The following MIA2 variants were observed in gnomAD, a reference collection of about 807,000 sequenced individuals.
MIA2 encodes melanoma inhibitory activity protein 2.
Under a neutral mutation model 167.8 loss-of-function variants are expected in MIA2, and 127 were observed. The observed-to-expected ratio is 0.76, with a 90% CI of 0.66 to 0.88. MIA2 has a LOEUF of 0.88. Ranked by LOEUF, MIA2 falls within the 40% of genes least tolerant of loss-of-function variation. The pLI, the probability that MIA2 is intolerant of heterozygous loss-of-function variation, is 0.00. For synonymous variants in MIA2, 552 were observed against 541.9 expected (o/e 1.02, Z -0.26); for missense variants, 1,690 against 1,624.7 (o/e 1.04, Z -0.69).
At chr14:39,314,919 T>C (rs1378381575) in intron 20 of MIA2, 120 bp downstream of exon 20, 8 of 704,640 alleles carry the variant, frequency 1.1e-5, no homozygotes, top group Non-Finnish European at 1.7e-5. Flanking sequence ...ATACCTCTTT[T>C]GAGGTGTTGC....
chr14:39,330,555 G>T (rs543043522), intron 25 of MIA2, among the ~76,000 whole-genome samples: 1 of 151,916 alleles, frequency 6.6e-6, no homozygotes, highest in Non-Finnish European at 1.5e-5. Context: ...GTGATGTTTG[G>T]GTGTTGATTT....
At chr14:39,288,019 C>G (rs2060049340) in intron 9 of MIA2, among the ~76,000 whole-genome samples, 2 of 152,012 alleles carry the variant, frequency 1.3e-5, no homozygotes, top group African/African-American at 4.8e-5. Flanking sequence ...GCTAATTTGT[C>G]TATCTTTGGT....
intron 25 of MIA2, among the ~76,000 whole-genome samples, chr14:39,342,615 T>G (rs1250558950): frequency 6.6e-6 from 1 of 152,180 alleles, no homozygotes; most frequent in Non-Finnish European, 1.5e-5. Flanking sequence ...TGAAACAAAT[T>G]GAGATATTAT....
chr14:39,317,296 C>T (rs546857849), intron 21 of MIA2, among the ~76,000 whole-genome samples: 2 of 152,256 alleles, frequency 1.3e-5, no homozygotes, highest in South Asian at 2.1e-4. Context: ...GTCACACGCT[C>T]CAGAGCTGAG....
intron 6 of MIA2, among the ~76,000 whole-genome samples, chr14:39,260,500 G>A (rs1201638411): frequency 6.6e-6 from 1 of 152,182 alleles, no homozygotes; most frequent in African/African-American, 2.4e-5. Flanking sequence ...CTGCATAAAT[G>A]TCTTCTTTTG....
intron 12 of MIA2, among the ~76,000 whole-genome samples, chr14:39,294,660 GAATA>G (rs1402887550): frequency 1.3e-5 from 2 of 152,168 alleles, no homozygotes; most frequent in African/African-American, 4.8e-5. Flanking sequence ...AGGGGAGGCA[GAATA>G]AATAGTTATC....
chr14:39,285,868 C>T (rs1232060761), intron 9 of MIA2, among the ~76,000 whole-genome samples: 3 of 150,670 alleles, frequency 2.0e-5, no homozygotes, highest in Admixed American at 6.6e-5. Context: ...CAGAGGTGCT[C>T]CCCACATCTC....
At position 39,247,238 on chromosome 14, in the gene MIA2, G is replaced by A; in HGVS notation, c.664G>A (p.Gly222Arg). 6.2e-7 allele frequency: 1 copy of A among 1,614,094 alleles called. No individual in the cohort carries two copies. The highest frequency in any genetic ancestry group is 8.5e-7 in the Non-Finnish European group (1 of 1,180,020). ...VHVPPSSAVS[G>R]VKEWFGLGGE... ...TGTCCCACCATCTTCAGCTGTGTCTGGAGTCAAAGAATGGTTTGGATTGGG... is the reference window on the plus strand; with the variant it reads ...TGTCCCACCATCTTCAGCTGTGTCTAGAGTCAAAGAATGGTTTGGATTGGG... Residue 222 changes from glycine to arginine, a missense_variant, in exon 4 of 29, where the codon GGA becomes AGA. Gly to Arg is a moderately radical substitution (Grantham distance 125, BLOSUM62 -2). Transcript: ENST00000640607.
chr14:39,285,793 T>C, intron 9 of MIA2, among the ~76,000 whole-genome samples: 1 of 147,242 alleles, frequency 6.8e-6, no homozygotes, highest in Non-Finnish European at 1.5e-5. Context: ...GAGGGGCTCC[T>C]CACTTCTCAG....
At chr14:39,341,132 T>A (rs2071727657) in intron 25 of MIA2, among the ~76,000 whole-genome samples, 1 of 151,930 alleles carries the variant, frequency 6.6e-6, no homozygotes, top group South Asian at 2.1e-4. Context: ...TGAAACTCCG[T>A]CTCTACTAAA....
chr14:39,304,408 A>T (rs759328315), intron 17 of MIA2, 27 bp downstream of exon 17: 1 of 1,251,992 alleles, frequency 8.0e-7, no homozygotes, highest in Non-Finnish European at 1.1e-6. Flanking sequence ...CATACTTTTA[A>T]TGTTTTTCTA....
In MIA2 at chr14:39,238,793, C is replaced by CAAAAAAAAAAAAAAAAAAAAAAAAAAA. The variant is rs769534317; in HGVS notation, c.250-1750_250-1749insAAAAAAAAAAAAAAAAAAAAAAAAAAA. On this transcript the variant is annotated intron_variant, in intron 2 of 28. Coordinates refer to ENST00000640607, the MANE Select transcript of MIA2 (RefSeq NM_001329214.4). The stretch of plus-strand genomic sequence containing the variant: ...TGGGTTACAAAGTGAGACCCTGTCT[C>CAAAAAAAAAAAAAAAAAAAAAAAAAAA]AAAAAAAAAAAAAAAAAACCCAAAA... Among the ~76,000 whole-genome samples the CAAAAAAAAAAAAAAAAAAAAAAAAAAA allele has an allele frequency of 3.6e-4, 11 of 30,816 alleles. 1 individual carries two copies. Among genetic ancestry groups the CAAAAAAAAAAAAAAAAAAAAAAAAAAA allele is most frequent in the Admixed American group, 4.7e-4 (1 of 2,108 alleles). The allele number at this position is 30,816 out of a possible 152,430, so 20.2% of individuals were successfully genotyped here.
At chr14:39,250,362 T>C (rs1461162940) in intron 4 of MIA2, among the ~76,000 whole-genome samples, 2 of 148,700 alleles carry the variant, frequency 1.3e-5, no homozygotes, top group Non-Finnish European at 3.0e-5. Flanking sequence ...AGCCTAGGAG[T>C]TCGAGGCCGG....
At chr14:39,263,904 G>A (rs2055278659) in intron 6 of MIA2, among the ~76,000 whole-genome samples, 1 of 152,104 alleles carries the variant, frequency 6.6e-6, no homozygotes, top group South Asian at 2.1e-4. Flanking sequence ...AAAGTGCTGG[G>A]ATTATAGGTG....
At chr14:39,358,863 A>G (rs1403901803) in intron 23 of MIA2, among the ~76,000 whole-genome samples, 3 of 152,204 alleles carry the variant, frequency 2.0e-5, no homozygotes, top group African/African-American at 4.8e-5. Flanking sequence ...GCTGCAGAAC[A>G]GCGGATATTG....
chr14:39,244,010 G>T (rs569325405), intron 3 of MIA2, among the ~76,000 whole-genome samples: 21 of 152,324 alleles, frequency 1.4e-4, no homozygotes, highest in African/African-American at 5.1e-4. Flanking sequence ...GACTGAGTGG[G>T]GGAACCCAGA....
chr14:39,307,538 A>G (rs1800853706), intron 17 of MIA2, among the ~76,000 whole-genome samples: 1 of 151,098 alleles, frequency 6.6e-6, no homozygotes, highest in Non-Finnish European at 1.5e-5. Flanking sequence ...AGTAGCTGGG[A>G]TTGCAGGCAC....
chr14:39,328,260 A>G (rs1042494681), intron 25 of MIA2, among the ~76,000 whole-genome samples: 1 of 152,192 alleles, frequency 6.6e-6, no homozygotes, highest in African/African-American at 2.4e-5. Context: ...GGCTGCATAA[A>G]TGTCTTCTTT....
At chr14:39,361,835 G>A (rs1422982766) in intron 23 of MIA2, among the ~76,000 whole-genome samples, 1 of 152,084 alleles carries the variant, frequency 6.6e-6, no homozygotes, top group African/African-American at 2.4e-5. Flanking sequence ...GTTAGCTGTG[G>A]GTCTGTCAGA....
Sources: gnomAD v4.1 joint callset for allele counts (sites outside exome capture counted in the v4.1 genomes callset) on GRCh38, gnomAD v4.1.1 for gene constraint, MANE v1.5 for transcripts, NCBI Gene and HGNC (gene_info 2026-07-23, HGNC 2026-07-21) for gene names.